NCKAP5: variants seen among roughly 807,000 people sequenced by gnomAD.
The protein encoded by NCKAP5 is NCK associated protein 5.
NCKAP5 carries 92 observed loss-of-function variants against 167.0 expected under a neutral mutation model. The ratio of observed to expected loss-of-function variants is 0.55; its 90% CI spans 0.47 to 0.66. The LOEUF is 0.66. Ranked by LOEUF, NCKAP5 falls within the 30% of genes least tolerant of loss-of-function variation. The pLI is 0.00. For missense variants in NCKAP5, 2,378 were observed against 2,315.0 expected, an observed-to-expected ratio of 1.03 and a Z score of -0.56; for synonymous variants, 891 against 877.4, an observed-to-expected ratio of 1.02 and a Z score of -0.27.
At chr2:133,364,293 T>C (rs1685312103) in intron 3 of NCKAP5, among the ~76,000 whole-genome samples, 1 of 152,190 alleles carries the variant, frequency 6.6e-6, no homozygotes, top group South Asian at 2.1e-4. Context: ...ATAAATGTAA[T>C]GTCTTATTGA....
At chr2:133,037,063 C>A (rs1349504626) in intron 6 of NCKAP5, among the ~76,000 whole-genome samples, 1 of 151,796 alleles carries the variant, frequency 6.6e-6, no homozygotes, top group African/African-American at 2.4e-5. Flanking sequence ...TTTACAACAG[C>A]CACACATAAA....
At chr2:133,115,954 A>G (rs2082068486) in intron 6 of NCKAP5, among the ~76,000 whole-genome samples, 1 of 151,488 alleles carries the variant, frequency 6.6e-6, no homozygotes, top group South Asian at 2.1e-4. Context: ...CTCTAGATAA[A>G]TATTTTTTGT....
At chr2:133,634,563 A>G in the NCKAP5 span, among the ~76,000 whole-genome samples, 7 of 152,194 alleles carry the variant, frequency 4.6e-5, no homozygotes, top group South Asian at 2.1e-4. Flanking sequence ...AAAATTTGCA[A>G]GCTAGGGTAT....
chr2:133,073,766 C>T (rs546319596), intron 6 of NCKAP5, among the ~76,000 whole-genome samples: 10 of 152,090 alleles, frequency 6.6e-5, no homozygotes, highest in Non-Finnish European at 2.9e-5. Context: ...CATATTGGGT[C>T]GTTTTTGTCA....
the NCKAP5 span, among the ~76,000 whole-genome samples, chr2:133,605,882 G>C: frequency 6.6e-6 from 1 of 152,166 alleles, no homozygotes; most frequent in African/African-American, 2.4e-5. Flanking sequence ...AGAGGAAAAG[G>C]GGGGCAGGAG....
At chr2:133,128,112 C>T (rs930588407) in intron 6 of NCKAP5, among the ~76,000 whole-genome samples, 4 of 152,120 alleles carry the variant, frequency 2.6e-5, no homozygotes, top group Non-Finnish European at 5.9e-5. Context: ...CTCCCTGCAA[C>T]ACATCTAAAA....
rs542349103 is a variant in NCKAP5 at position 132,780,059 on chromosome 2, A to G, written c.5049+993T>C. 2.1e-4 allele frequency among the ~76,000 whole-genome samples: 32 copies of G among 152,364 alleles called. No individual in the cohort carries two copies. In the South Asian group the frequency reaches 5.6e-3, roughly 27 times the overall value. ...TTACACAAGTACATGAAGAATGTACAGAGAGTAAGTGCAATTTAAGGTAAT... is the reference window on the plus strand; with the variant it reads ...TTACACAAGTACATGAAGAATGTACGGAGAGTAAGTGCAATTTAAGGTAAT... On this transcript the variant is annotated intron_variant, in intron 15 of 19. Transcript: ENST00000409261.
At chr2:133,546,627 C>A (rs1487021291) in intron 2 of NCKAP5, among the ~76,000 whole-genome samples, 2 of 152,102 alleles carry the variant, frequency 1.3e-5, no homozygotes, top group African/African-American at 4.8e-5. Flanking sequence ...CACCCTGTGC[C>A]TAGAATATGC....
At chr2:133,108,454 G>A (rs1012128651) in intron 6 of NCKAP5, among the ~76,000 whole-genome samples, 28 of 152,148 alleles carry the variant, frequency 1.8e-4, no homozygotes, top group Non-Finnish European at 2.9e-5. Flanking sequence ...CACACTACAA[G>A]TCTTCAATCA....
Position 132,784,086 on chromosome 2 carries a change from G to A in NCKAP5, c.2725C>T (p.Pro909Ser). ...CCACAGTGTTCATCCCTCGTGGGGG[G>A]CTCTCCACTGTCACTAGACTCAATG... ...PAIESSDSGE[P>S]PTRDEHCGSG... Residue 909 changes from proline to serine, a missense_variant, in exon 14 of 20, where the codon CCC becomes TCC. By Grantham distance (74) the Pro-to-Ser change is moderately conservative (BLOSUM62 -1). Around this residue, in one of 3 missense-constraint regions of NCKAP5, gnomAD observed 1,325 missense variants for 1,274.5 expected, o/e 1.04. Coordinates refer to ENST00000409261, the MANE Select transcript of NCKAP5 (RefSeq NM_207363.3). The A allele has an allele frequency of 6.6e-7, 1 of 1,520,370 alleles. No homozygotes were observed. Among genetic ancestry groups the A allele is most frequent in the Non-Finnish European group, 8.8e-7 (1 of 1,136,156 alleles). 94.2% of individuals were successfully genotyped at this position (1,520,370 alleles called of 1,614,324 possible). A position where few individuals can be genotyped will look rare whatever the true frequency, so the allele number is the denominator to read the frequency against.
At chr2:132,762,244 A>T (rs1681070877) in intron 16 of NCKAP5, among the ~76,000 whole-genome samples, 1 of 152,202 alleles carries the variant, frequency 6.6e-6, no homozygotes, top group Non-Finnish European at 1.5e-5. Context: ...CTTAATAAGG[A>T]GTAGATAGTA....
chr2:132,698,776 G>C (rs549924203), intron 19 of NCKAP5, among the ~76,000 whole-genome samples: 5 of 152,146 alleles, frequency 3.3e-5, no homozygotes, highest in Non-Finnish European at 7.4e-5. Context: ...AAGGGTTGCA[G>C]TGAGCCAAGA....
intron 9 of NCKAP5, among the ~76,000 whole-genome samples, chr2:132,877,939 C>T (rs1275472096): frequency 6.6e-6 from 1 of 152,194 alleles, no homozygotes; most frequent in Non-Finnish European, 1.5e-5. Context: ...GCATCAGGTA[C>T]ATTGTAACAA....
intron 3 of NCKAP5, among the ~76,000 whole-genome samples, chr2:133,494,093 T>C (rs779772375): frequency 3.3e-5 from 5 of 152,218 alleles, no homozygotes; most frequent in African/African-American, 1.2e-4. Context: ...TCAGAGACAG[T>C]GCCGTTGCAC....
chr2:133,650,935 C>A, the NCKAP5 span, among the ~76,000 whole-genome samples: 1 of 152,008 alleles, frequency 6.6e-6, no homozygotes, highest in African/African-American at 2.4e-5. Context: ...CTAGAAAGAC[C>A]ATCTCCTCAA....
At chr2:133,098,675 T>C (rs754350638) in intron 6 of NCKAP5, among the ~76,000 whole-genome samples, 10 of 152,230 alleles carry the variant, frequency 6.6e-5, no homozygotes, top group Non-Finnish European at 1.5e-4. Context: ...ACACTCTAGT[T>C]ATATTTAAAT....
At chr2:132,805,146 G>A (rs777257263) in intron 11 of NCKAP5, among the ~76,000 whole-genome samples, 8 of 151,904 alleles carry the variant, frequency 5.3e-5, no homozygotes, top group Non-Finnish European at 1.2e-4. Context: ...AACACTTATC[G>A]AGCTCTTTTT....
intron 3 of NCKAP5, among the ~76,000 whole-genome samples, chr2:133,404,525 A>G (rs1390083119): frequency 6.6e-6 from 1 of 152,254 alleles, no homozygotes; most frequent in East Asian, 1.9e-4. Context: ...TCTATGCACT[A>G]TAATAAAAGT....
At chr2:133,495,850 A>C (rs990609542) in intron 3 of NCKAP5, among the ~76,000 whole-genome samples, 1 of 152,226 alleles carries the variant, frequency 6.6e-6, no homozygotes, top group Admixed American at 6.5e-5. Flanking sequence ...CTCTCAGGCA[A>C]AATTTTATGC....
Sources: allele counts gnomAD v4.1 joint callset (sites outside exome capture counted in the v4.1 genomes callset), GRCh38; gene constraint gnomAD v4.1.1; regional missense constraint gnomAD v4.1.1; transcripts MANE v1.5; gene names NCBI Gene and HGNC (gene_info 2026-07-23, HGNC 2026-07-21).